The following TMEM181 variants were observed in gnomAD, a reference collection of about 807,000 sequenced individuals.
TMEM181 encodes transmembrane protein 181.
A neutral mutation model predicts 71.9 loss-of-function variants in TMEM181; 39 were observed. The ratio of observed to expected loss-of-function variants is 0.54; its 90% confidence interval spans 0.42 to 0.71. TMEM181 has a LOEUF of 0.71. TMEM181 is among the 30% of genes least tolerant of loss of function. TMEM181 has a pLI of 0.00. For synonymous variants in TMEM181, 245 were observed against 228.8 expected, an observed-to-expected ratio of 1.07 and a Z score of -0.64; for missense variants, 595 against 583.0, an observed-to-expected ratio of 1.02 and a Z score of -0.21.
chr6:158,591,615 T>C (rs1359071454), intron 6 of TMEM181, among the ~76,000 whole-genome samples: 3 of 152,034 alleles, frequency 2.0e-5, no homozygotes, highest in East Asian at 1.9e-4. Context: ...AGGCATACTT[T>C]GATGTAGTCC....
intron 8 of TMEM181, among the ~76,000 whole-genome samples, chr6:158,607,921 C>A (rs1164650324): frequency 6.6e-6 from 1 of 152,218 alleles, no homozygotes; most frequent in South Asian, 2.1e-4. Flanking sequence ...GCTGGCTGTT[C>A]CTCTTTTCCT....
chr6:158,573,128 CT>C (rs980965529), intron 1 of TMEM181, among the ~76,000 whole-genome samples: 44 of 152,284 alleles, frequency 2.9e-4, no homozygotes, highest in African/African-American at 1.1e-3. Context: ...AGGAGCCCCC[CT>C]AGTGCATTCT....
intron 10 of TMEM181, among the ~76,000 whole-genome samples, chr6:158,616,393 A>G (rs1260212088): frequency 6.6e-6 from 1 of 152,168 alleles, no homozygotes; most frequent in Non-Finnish European, 1.5e-5. Context: ...GGCTGAGACG[A>G]TGGGGTTTTC....
chr6:158,601,286 C>T (rs530813934), intron 6 of TMEM181, among the ~76,000 whole-genome samples: 4 of 152,306 alleles, frequency 2.6e-5, no homozygotes, highest in African/African-American at 7.2e-5. Context: ...TGGTAGCTCA[C>T]GCCTGTAATC....
chr6:158,600,576 T>G (rs1315517495), intron 6 of TMEM181, among the ~76,000 whole-genome samples: 4 of 149,658 alleles, frequency 2.7e-5, no homozygotes, highest in Non-Finnish European at 5.9e-5. Flanking sequence ...TTCAAGCACT[T>G]CTCCCTGCCT....
chr6:158,585,198 C>T (rs1783697486), intron 4 of TMEM181, 106 bp from the exon 5 acceptor site: 6 of 1,311,368 alleles, frequency 4.6e-6, no homozygotes, highest in Non-Finnish European at 6.1e-6. Context: ...GCCTAAGGAC[C>T]TTAAGCGTTT....
upstream of TMEM181, among the ~76,000 whole-genome samples, chr6:158,557,368 TCAAAAA>T (rs1277322203): frequency 6.6e-6 from 1 of 152,078 alleles, no homozygotes; most frequent in African/African-American, 2.4e-5. Flanking sequence ...AGACTCTGTC[TCAAAAA>T]CAAACAGGTC....
chr6:158,592,979 A>G (rs1363657094), intron 6 of TMEM181, among the ~76,000 whole-genome samples: 1 of 152,228 alleles, frequency 6.6e-6, no homozygotes, highest in Non-Finnish European at 1.5e-5. Context: ...GCGAAATGCA[A>G]GGACACAAGT....
chr6:158,634,117 G>A lies in TMEM181; in HGVS notation c.*2229G>A, dbSNP rs376943436. ...TGCATCAATGAAATGAAAAATATAG[G>A]ATTATTTATTTACTTTTTGTAACTA... On this transcript the variant is annotated 3_prime_UTR_variant, in exon 17 of 17. Coordinates refer to ENST00000684151, the MANE Select transcript of TMEM181 (RefSeq NM_001376852.1). 3.9e-5 allele frequency: 6 copies of A among 151,976 alleles called. No homozygotes were observed. The highest frequency in any genetic ancestry group is 1.5e-4 in the African/African-American group (6 of 41,358). The allele number at this position is 151,976 out of a possible 1,614,324, so 9.4% of individuals were successfully genotyped here.
chr6:158,585,274 T>G, intron 4 of TMEM181, 30 bp from the exon 5 acceptor site: 1 of 1,564,868 alleles, frequency 6.4e-7, no homozygotes, highest in Non-Finnish European at 8.6e-7. Flanking sequence ...CCTGGCATGG[T>G]CTCTAACACT....
intron 6 of TMEM181, among the ~76,000 whole-genome samples, chr6:158,598,084 C>T (rs4709224): frequency 0.36 from 55,008 of 152,024 alleles, 11,039 homozygotes; most frequent in East Asian, 0.75. Flanking sequence ...TGTGGGATGA[C>T]GCTTACCTCC....
At chr6:158,561,524 C>T (rs1453079698) in intron 1 of TMEM181, among the ~76,000 whole-genome samples, 1 of 152,140 alleles carries the variant, frequency 6.6e-6, no homozygotes, top group Non-Finnish European at 1.5e-5. Context: ...TCACGCGCTG[C>T]CCCTTGGAGC....
At chr6:158,577,272 AGAAAACCT>A (rs1783219223) in intron 2 of TMEM181, among the ~76,000 whole-genome samples, 1 of 151,880 alleles carries the variant, frequency 6.6e-6, no homozygotes, top group African/African-American at 2.4e-5. Flanking sequence ...ATAAAAAGAT[AGAAAACCT>A]AAAAGGAAAC....
In TMEM181 at chr6:158,634,126, TTTAC is replaced by T; in HGVS notation, c.*2241_*2244del. On this transcript the variant is annotated 3_prime_UTR_variant, in exon 17 of 17. Transcript: ENST00000684151. The stretch of plus-strand genomic sequence containing the variant: ...GAAATGAAAAATATAGGATTATTTA[TTTAC>T]TTTTTGTAACTAAGTGGGAAATAAG... 1 of 152,122 alleles carries T rather than the reference TTTAC, an allele frequency of 6.6e-6. No individual in the cohort carries two copies. Among genetic ancestry groups the T allele is most frequent in the South Asian group, 2.1e-4 (1 of 4,824 alleles). The allele number at this position is 152,122 out of a possible 1,614,324, so 9.4% of individuals were successfully genotyped here. A position where few individuals can be genotyped will look rare whatever the true frequency, so the allele number is the denominator to read the frequency against.
chr6:158,583,695 G>A (rs917297188), intron 3 of TMEM181, among the ~76,000 whole-genome samples: 1 of 152,158 alleles, frequency 6.6e-6, no homozygotes, highest in African/African-American at 2.4e-5. Context: ...AGCTACTCGG[G>A]AGGCTGAGGC....
At chr6:158,564,111 T>C (rs997724627) in intron 1 of TMEM181, among the ~76,000 whole-genome samples, 1 of 152,246 alleles carries the variant, frequency 6.6e-6, no homozygotes, top group Non-Finnish European at 1.5e-5. Flanking sequence ...GAGAAATGAC[T>C]TATACCCAAG....
chr6:158,596,639 A>G (rs1036951643), intron 6 of TMEM181, among the ~76,000 whole-genome samples: 10 of 152,144 alleles, frequency 6.6e-5, no homozygotes, highest in African/African-American at 2.4e-4. Flanking sequence ...GTCTGTTTTC[A>G]TGCTGCTGAC....
chr6:158,581,099 C>T (rs1783445176), intron 3 of TMEM181, 104 bp downstream of exon 3: 1 of 1,101,182 alleles, frequency 9.1e-7, no homozygotes, highest in Non-Finnish European at 1.3e-6. Flanking sequence ...CTTCCCTTGC[C>T]TTGCGGCTTC....
At position 158,631,381 on chromosome 6, in the gene TMEM181, G is replaced by C. The variant is rs1412937335; in HGVS notation, c.1341G>C (p.Val447=). The stretch of plus-strand genomic sequence containing the variant: ...TGCTGAATGACTCGGATGATGATGT[G>C]ATTTATGGGTAAGTCCCTGTCCGTT... ...FSMLNDSDDD[V]IYGSDYEEMP... Residue 447 remains valine (V), a synonymous_variant, in exon 16 of 17, where the codon GTG becomes GTC. Transcript: ENST00000684151. 6.2e-7 allele frequency: 1 copy of C among 1,614,212 alleles called. No individual in the cohort carries two copies. Among genetic ancestry groups the C allele is most frequent in the South Asian group, 1.1e-5 (1 of 91,090 alleles).
Sources: allele counts gnomAD v4.1 joint callset (sites outside exome capture counted in the v4.1 genomes callset), GRCh38; gene constraint gnomAD v4.1.1; transcripts MANE v1.5; gene names NCBI Gene and HGNC (gene_info 2026-07-23, HGNC 2026-07-21).